DCC: variants seen among roughly 807,000 people sequenced by gnomAD.
The protein encoded by DCC is netrin receptor DCC.
A neutral mutation model predicts 172.5 loss-of-function variants in DCC; 58 were observed. The observed-to-expected ratio is 0.34, with a 90% CI of 0.27 to 0.42. The LOEUF (loss-of-function observed/expected upper bound fraction) is 0.42. Ranked by LOEUF, DCC falls within the 10% of genes least tolerant of loss-of-function variation. The pLI is 1.00. For missense variants in DCC, 1,740 were observed against 1,791.0 expected, an observed-to-expected ratio of 0.97 and a Z score of 0.51; for synonymous variants, 709 against 644.5, an observed-to-expected ratio of 1.10 and a Z score of -1.52.
chr18:53,240,938 A>G (rs372755595), intron 12 of DCC, among the ~76,000 whole-genome samples: 204 of 152,292 alleles, frequency 1.3e-3, no homozygotes, highest in Middle Eastern at 6.8e-3. Context: ...AATGCATAGA[A>G]GTATTGTTAG....
intron 23 of DCC, among the ~76,000 whole-genome samples, chr18:53,451,459 T>C (rs1234024200): frequency 6.6e-6 from 1 of 152,186 alleles, no homozygotes; most frequent in Non-Finnish European, 1.5e-5. Context: ...GACTTTCTAG[T>C]CCTTTTAAAA....
Position 52,995,868 on chromosome 18 carries a change from C to T in DCC, c.986-67437C>T, listed in dbSNP as rs1052207829. 2.0e-5 allele frequency among the ~76,000 whole-genome samples: 3 copies of T among 151,776 alleles called. No individual in the cohort carries two copies. The South Asian group carries it at 6.2e-4, about 32-fold the overall frequency. On this transcript the variant is annotated intron_variant, in intron 5 of 28. Transcript: ENST00000442544. ...CCTTTTTGCCCTTGAGTGCCTTTTCCCTAGCACTCCCCAGCTTTTTGTTTC... is the reference window on the plus strand; with the variant it reads ...CCTTTTTGCCCTTGAGTGCCTTTTCTCTAGCACTCCCCAGCTTTTTGTTTC...
In DCC at chr18:53,058,254, AT is replaced by A. The variant is rs565014279; in HGVS notation, c.986-5049del. On this transcript the variant is annotated intron_variant, in intron 5 of 28. Coordinates refer to ENST00000442544, the MANE Select transcript of DCC (RefSeq NM_005215.4). The stretch of plus-strand genomic sequence containing the variant: ...TAGCAAGTAGAATTAGTTTAAGTAG[AT>A]TAAATGATTTCTACAGAAAAGGAAT... Among the ~76,000 whole-genome samples the A allele has an allele frequency of 2.6e-5, 4 of 152,246 alleles. No homozygotes were observed. In the East Asian group the frequency reaches 7.7e-4, roughly 29 times the overall value.
At chr18:53,234,466 G>T (rs1024793013) in intron 12 of DCC, among the ~76,000 whole-genome samples, 1 of 151,794 alleles carries the variant, frequency 6.6e-6, no homozygotes, top group African/African-American at 2.4e-5. Context: ...TAAAATATTG[G>T]CCAGTCAGGT....
At chr18:53,301,337 C>G (rs1183774122) in intron 12 of DCC, among the ~76,000 whole-genome samples, 4 of 152,090 alleles carry the variant, frequency 2.6e-5, no homozygotes, top group Admixed American at 6.5e-5. Context: ...GATCCACCTG[C>G]CTCGGCCTCC....
intron 12 of DCC, among the ~76,000 whole-genome samples, chr18:53,263,629 C>A (rs1362491294): frequency 2.0e-5 from 3 of 152,064 alleles, no homozygotes; most frequent in Non-Finnish European, 4.4e-5. Context: ...TGAAAACACA[C>A]AATGTTTTCT....
At position 53,391,663 on chromosome 18, in the gene DCC, G is replaced by C. The variant is rs1908555109; in HGVS notation, c.2464G>C (p.Asp822His). The stretch of plus-strand genomic sequence containing the variant: ...TGGGTTTTTAAACCCAGATCCCACT[G>C]ACCCAGTTGATTATTATCCTTTGCT... ...ATTRSITDPT[D>H]PVDYYPLLDD... Residue 822 changes from aspartate to histidine, a missense_variant, in exon 17 of 29, where the codon GAC becomes CAC. By Grantham distance (81) the Asp-to-His change is moderately conservative (BLOSUM62 -1). This residue lies in a region of DCC where 1,732 missense variants were observed against 1,767.4 expected (regional missense o/e 0.98). Transcript: ENST00000442544. 13 of 1,612,572 alleles carry C rather than the reference G, an allele frequency of 8.1e-6. No homozygotes were observed. The highest frequency in any genetic ancestry group is 1.3e-5 in the African/African-American group (1 of 74,944).
chr18:52,519,776 A>C (rs572635663), intron 1 of DCC, among the ~76,000 whole-genome samples: 2 of 152,336 alleles, frequency 1.3e-5, no homozygotes, highest in Non-Finnish European at 2.9e-5. Context: ...ACATCTGGCT[A>C]ATTGCCATTG....
intron 1 of DCC, among the ~76,000 whole-genome samples, chr18:52,636,850 T>G (rs1193507216): frequency 1.3e-5 from 2 of 152,176 alleles, no homozygotes; most frequent in Non-Finnish European, 2.9e-5. Context: ...CGCCACCTCC[T>G]GGCAGGAGGC....
At chr18:53,120,494 GAGA>G (rs769017167) in intron 7 of DCC, among the ~76,000 whole-genome samples, 51 of 151,816 alleles carry the variant, frequency 3.4e-4, no homozygotes, top group Non-Finnish European at 5.5e-4. Context: ...GTTTGCTAAT[GAGA>G]AGATTACATA....
chr18:53,046,270 C>A (rs1348820291), intron 5 of DCC, among the ~76,000 whole-genome samples: 1 of 151,874 alleles, frequency 6.6e-6, no homozygotes, highest in African/African-American at 2.4e-5. Flanking sequence ...GCCTTTGAGT[C>A]ACTTTCTGTG....
At chr18:52,496,876 T>C (rs1361768739) in intron 1 of DCC, among the ~76,000 whole-genome samples, 2 of 151,942 alleles carry the variant, frequency 1.3e-5, no homozygotes, top group Non-Finnish European at 2.9e-5. Context: ...GTCCATATCA[T>C]ACAGAATTTG....
intron 2 of DCC, among the ~76,000 whole-genome samples, chr18:52,858,844 G>A (rs2039091934): frequency 6.6e-6 from 1 of 152,190 alleles, no homozygotes; most frequent in African/African-American, 2.4e-5. Context: ...GGGCAGCAAT[G>A]TTTGCTTGCT....
chr18:52,839,893 T>C (rs2038774444), intron 2 of DCC, among the ~76,000 whole-genome samples: 1 of 152,208 alleles, frequency 6.6e-6, no homozygotes, highest in African/African-American at 2.4e-5. Context: ...ATTTCATACC[T>C]TGCACTTCCA....
intron 15 of DCC, among the ~76,000 whole-genome samples, chr18:53,363,725 G>A (rs921283855): frequency 6.6e-6 from 1 of 152,064 alleles, no homozygotes; most frequent in African/African-American, 2.4e-5. Context: ...GAATGTGTAC[G>A]ATTTGTTTTA....
chr18:52,901,632 G>C (rs979865379), intron 2 of DCC, among the ~76,000 whole-genome samples: 1 of 152,128 alleles, frequency 6.6e-6, no homozygotes, highest in African/African-American at 2.4e-5. Flanking sequence ...CCTCTAGCTT[G>C]TTAAATAATG....
At chr18:53,280,363 A>AT (rs895057189) in intron 12 of DCC, among the ~76,000 whole-genome samples, 7 of 151,932 alleles carry the variant, frequency 4.6e-5, no homozygotes, top group Admixed American at 3.3e-4. Context: ...GTTGATGTTG[A>AT]TTTTTTTGGA....
chr18:53,520,260 C>T (rs1444600807), intron 27 of DCC, among the ~76,000 whole-genome samples: 7 of 152,036 alleles, frequency 4.6e-5, no homozygotes, highest in Non-Finnish European at 7.4e-5. Flanking sequence ...GATGAGAGGC[C>T]GCAATATGGT....
chr18:52,649,594 G>A (rs1034655265), intron 1 of DCC, among the ~76,000 whole-genome samples: 2 of 151,760 alleles, frequency 1.3e-5, no homozygotes, highest in African/African-American at 4.8e-5. Context: ...AGTCTCTGAT[G>A]TCTATTATTA....
Sources: allele counts gnomAD v4.1 joint callset (sites outside exome capture counted in the v4.1 genomes callset), GRCh38; gene constraint gnomAD v4.1.1; regional missense constraint gnomAD v4.1.1; transcripts MANE v1.5; gene names NCBI Gene and HGNC (gene_info 2026-07-23, HGNC 2026-07-21).